Variants in FRMPD4 observed in about 807,000 individuals in gnomAD.
The protein encoded by FRMPD4 is FERM and PDZ domain containing 4, also known as FERM and PDZ domain-containing protein 4.
A neutral mutation model predicts 94.1 loss-of-function variants in FRMPD4; 22 were observed. The ratio of observed to expected loss-of-function variants is 0.23; its 90% CI spans 0.17 to 0.33. The LOEUF is 0.33. Ranked by LOEUF, FRMPD4 falls within the 10% of genes least tolerant of loss-of-function variation. FRMPD4 has a pLI of 1.00. For synonymous variants in FRMPD4, 631 were observed against 548.6 expected, an observed-to-expected ratio of 1.15 and a Z score of -2.10; for missense variants, 1,111 against 1,339.9, an observed-to-expected ratio of 0.83 and a Z score of 2.67.
chrX:12,355,575 T>C (rs753961976), intron 1 of FRMPD4, among the ~76,000 whole-genome samples: 2 of 112,017 alleles, frequency 1.8e-5, no homozygotes, highest in Non-Finnish European at 3.8e-5. Context: ...ATGACAAATG[T>C]TATTATATTA....
chrX:12,567,261 A>G (rs1327909714), intron 2 of FRMPD4, among the ~76,000 whole-genome samples: 1 of 111,690 alleles, frequency 9.0e-6, no homozygotes, highest in Non-Finnish European at 1.9e-5. Context: ...CTTATTTTCT[A>G]AGAACCCCTC....
At chrX:12,432,554 A>G (rs1270025864) in intron 1 of FRMPD4, among the ~76,000 whole-genome samples, 1 of 111,511 alleles carries the variant, frequency 9.0e-6, no homozygotes, top group Non-Finnish European at 1.9e-5. Flanking sequence ...AATTCCTTGA[A>G]GGTTGTTGGA....
chrX:12,301,334 A>G (rs1235847100), intron 1 of FRMPD4, among the ~76,000 whole-genome samples: 1 of 111,914 alleles, frequency 8.9e-6, no homozygotes, highest in Non-Finnish European at 1.9e-5. Flanking sequence ...GAAGTCTATT[A>G]TCTTTAGCAG....
chrX:12,677,724 C>T lies in FRMPD4; in HGVS notation c.468+2816C>T, dbSNP rs145483165. On this transcript the variant is annotated intron_variant, in intron 5 of 16. Coordinates refer to ENST00000675598, the MANE Select transcript of FRMPD4 (RefSeq NM_001368397.1). ...ATAGAGAGCCAATGTTTATACCTTC[C>T]GGCCACATTCCACATGTGCCCAGGG... 2.9e-3 allele frequency among the ~76,000 whole-genome samples: 325 copies of T among 111,742 alleles called. 1 individual carries two copies. Among genetic ancestry groups the T allele is most frequent in the Non-Finnish European group, 3.5e-3 (187 of 53,143 alleles).
At chrX:11,961,396 A>G (rs1409604621) in intron 3 of FRMPD4, among the ~76,000 whole-genome samples, 1 of 112,238 alleles carries the variant, frequency 8.9e-6, no homozygotes, top group East Asian at 2.8e-4. Flanking sequence ...CAGGGATGGA[A>G]AGTTGATTCT....
chrX:12,253,927 T>C (rs1344755779), intron 1 of FRMPD4, among the ~76,000 whole-genome samples: 1 of 111,289 alleles, frequency 9.0e-6, no homozygotes, highest in African/African-American at 3.3e-5. Context: ...GTTTTTTTTT[T>C]CCTTTTTCCT....
chrX:12,657,611 C>G (rs1300411480), intron 4 of FRMPD4, among the ~76,000 whole-genome samples: 9 of 112,033 alleles, frequency 8.0e-5, no homozygotes, highest in Non-Finnish European at 1.3e-4. Flanking sequence ...GAATTATACA[C>G]AGTCTGAGCA....
At chrX:12,025,110 C>T (rs1396774515) in intron 3 of FRMPD4, among the ~76,000 whole-genome samples, 5 of 110,715 alleles carry the variant, frequency 4.5e-5, no homozygotes, top group Non-Finnish European at 9.5e-5. Flanking sequence ...TCTCCTCTGG[C>T]TACTTCTTGG....
chrX:12,096,398 GT>G (rs1241088651), intron 3 of FRMPD4, among the ~76,000 whole-genome samples: 1 of 111,620 alleles, frequency 9.0e-6, no homozygotes, highest in Admixed American at 9.5e-5. Flanking sequence ...AATTTTGTTT[GT>G]TTCAGTACTT....
chrX:11,833,226 T>A (rs1357912608), intron 1 of FRMPD4, among the ~76,000 whole-genome samples: 1 of 112,361 alleles, frequency 8.9e-6, no homozygotes. Flanking sequence ...AGTTTCTTTA[T>A]CCATTCATCT....
intron 1 of FRMPD4, among the ~76,000 whole-genome samples, chrX:11,857,780 A>T (rs1208066151): frequency 1.8e-5 from 2 of 112,703 alleles, no homozygotes; most frequent in Middle Eastern, 4.2e-3. Flanking sequence ...CAACCTATAG[A>T]ATAGGAGAAA....
intron 1 of FRMPD4, among the ~76,000 whole-genome samples, chrX:12,244,612 G>A (rs1318607793): frequency 8.9e-6 from 1 of 112,061 alleles, no homozygotes; most frequent in Non-Finnish European, 1.9e-5. Flanking sequence ...TCCAGAAATA[G>A]TGTAGCCTGT....
Position 12,721,909 on chromosome X carries a change from T to A in FRMPD4, c.*51T>A. On this transcript the variant is annotated 3_prime_UTR_variant, in exon 17 of 17. Transcript: ENST00000675598. ...CTTTGCAAAGCCATACATGAACTTT[T>A]ATTTACTTTGTGTGTATGATGAACA... is the stretch of plus-strand genomic sequence containing the variant. 1.6e-6 allele frequency: 1 copy of A among 618,268 alleles called. No homozygotes were observed. Among genetic ancestry groups the A allele is most frequent in the Non-Finnish European group, 1.9e-6 (1 of 513,231 alleles). 51.0% of individuals were successfully genotyped at this position (618,268 alleles called of 1,213,427 possible).
chrX:12,164,043 T>G (rs2056071316), intron 1 of FRMPD4, among the ~76,000 whole-genome samples: 1 of 107,624 alleles, frequency 9.3e-6, no homozygotes, highest in South Asian at 4.3e-4. Flanking sequence ...TGCCCCTTAG[T>G]TTTTTTTTTA....
At chrX:12,333,529 C>T (rs764876041) in intron 1 of FRMPD4, among the ~76,000 whole-genome samples, 16 of 111,737 alleles carry the variant, frequency 1.4e-4, no homozygotes, top group African/African-American at 4.5e-4. Flanking sequence ...TCAGAGGATA[C>T]AACTCAGGTT....
At chrX:12,584,260 C>T (rs145479849) in intron 2 of FRMPD4, among the ~76,000 whole-genome samples, 2,321 of 111,952 alleles carry the variant, frequency 0.021, 60 homozygotes, top group African/African-American at 0.071. Flanking sequence ...TGGAGCGATG[C>T]ACTGGATTCA....
intron 14 of FRMPD4, among the ~76,000 whole-genome samples, chrX:12,712,417 C>T (rs2147160819): frequency 9.0e-6 from 1 of 111,143 alleles, no homozygotes. Context: ...GGTGTGGTGG[C>T]ACACGCCTAT....
chrX:12,455,074 T>C (rs1488550840), intron 1 of FRMPD4, among the ~76,000 whole-genome samples: 1 of 111,279 alleles, frequency 9.0e-6, no homozygotes, highest in African/African-American at 3.3e-5. Flanking sequence ...CCAAAAATAA[T>C]TGCTCAGTTT....
At position 12,707,643 on chromosome X, in the gene FRMPD4, G is replaced by C; in HGVS notation, c.1462G>C (p.Asp488His). ...SLVRVELHVL[D>H]VKPITLLMES... Reference sequence around the variant, plus strand: ...GGTGCGGGTAGAACTCCACGTGCTAGATGTGAAGGCAAGTTTCTCAGGTGT... The same window carrying C: ...GGTGCGGGTAGAACTCCACGTGCTACATGTGAAGGCAAGTTTCTCAGGTGT... Residue 488 changes from aspartate (D) to histidine (H), a missense_variant, in exon 13 of 17, where the codon GAT (aspartate) becomes CAT (histidine). Asp to His is a moderately conservative substitution (Grantham distance 81). This residue lies in a region of FRMPD4 where 111 missense variants were observed against 160.7 expected (regional missense o/e 0.69). Coordinates refer to ENST00000675598, the MANE Select transcript of FRMPD4 (RefSeq NM_001368397.1). 1 of 1,198,609 alleles carries C rather than the reference G, an allele frequency of 8.3e-7. No homozygotes were observed.
Sources: allele counts gnomAD v4.1 joint callset (sites outside exome capture counted in the v4.1 genomes callset), GRCh38; gene constraint gnomAD v4.1.1; regional missense constraint gnomAD v4.1.1; transcripts MANE v1.5; gene names NCBI Gene and HGNC (gene_info 2026-07-23, HGNC 2026-07-21).